The following BSG variants were observed in gnomAD, a reference collection of about 807,000 sequenced individuals.
BSG encodes basigin (Ok blood group), also known as basigin.
BSG carries 37 observed loss-of-function variants against 43.1 expected under a neutral mutation model. The ratio of observed to expected loss-of-function variants is 0.86; its 90% CI spans 0.66 to 1.13. The LOEUF (loss-of-function observed/expected upper bound fraction) is 1.13, where lower values mean the gene tolerates loss of function less well. BSG is among the 50% of genes most tolerant of loss of function. BSG has a pLI of 0.00. For synonymous variants in BSG, 309 were observed against 238.7 expected (o/e 1.29, Z -2.72); for missense variants, 599 against 554.2 (o/e 1.08, Z -0.81).
At chr19:582,700 G>T in intron 8 of BSG, 50 bp from the exon 9 acceptor site, 1 of 1,141,996 alleles carries the variant, frequency 8.8e-7, no homozygotes, top group Non-Finnish European at 1.3e-6. Flanking sequence ...GGTCCCGCCT[G>T]TGGGTCGCTG....
rs534544911 is a variant in BSG, at chr19:579,580, G to A, written c.496G>A (p.Val166Ile). ...CTCCTTGAATGACAGCGCCACAGAG[G>A]TCACAGGGCACCGCTGGCTGAAGGG... ...TCSLNDSATEVTGHRWLKGGV... is the reference protein window; with the variant it reads ...TCSLNDSATEITGHRWLKGGV... The change falls in exon 3 of 9, where the codon GTC becomes ATC. Residue 166 changes from valine to isoleucine, a missense_variant. Transcript: ENST00000333511. 1.9e-6 allele frequency: 3 copies of A among 1,612,644 alleles called. No homozygotes were observed. The African/African-American group carries it at 4.0e-5, about 22-fold the overall frequency.
rs144824657 is a variant in BSG, at chr19:577,782, G to T, written c.76G>T (p.Val26Phe). The T allele has an allele frequency of 7.6e-3, 10,786 of 1,417,762 alleles. 59 individuals carry two copies. The highest frequency in any genetic ancestry group is 9.0e-3 in the Non-Finnish European group (9,744 of 1,082,294). The allele number at this position is 1,417,762 out of a possible 1,614,324, so 87.8% of individuals were successfully genotyped here. ...GCGTGCTCTCCCCACAGCCGGCTTC[G>T]TCCAGGCGCCGCTGTCCCAGCAGAG... is the stretch of plus-strand genomic sequence containing the variant. ...THGASGAAGF[V>F]QAPLSQQRWV... The change falls in exon 2 of 9, where the codon GTC (valine) becomes TTC (phenylalanine). Residue 26 changes from valine to phenylalanine, a missense_variant. Physicochemically the swap from Val to Phe is conservative, Grantham distance 50. Coordinates refer to ENST00000333511, the MANE Select transcript of BSG (RefSeq NM_001728.4).
intron 6 of BSG, among the ~76,000 whole-genome samples, chr19:581,981 C>T (rs1371050620): frequency 1.3e-5 from 2 of 152,272 alleles, no homozygotes; most frequent in Non-Finnish European, 2.9e-5. Flanking sequence ...AGCCCTTCTG[C>T]CCCTTGGGCT....
upstream of BSG, chr19:572,477 T>C (rs893182403): frequency 6.8e-6 from 8 of 1,172,758 alleles, no homozygotes; most frequent in African/African-American, 1.6e-5. Flanking sequence ...TGTGCGCGCG[T>C]GCGCAGGCGG....
rs111289082 is a variant in BSG, at chr19:582,600, T to G, written c.*5+18T>G. The G allele has an allele frequency of 6.9e-5, 38 of 550,776 alleles. No individual in the cohort carries two copies. In the African/African-American group the frequency reaches 7.2e-4, roughly 10 times the overall value. 34.1% of individuals were successfully genotyped at this position (550,776 alleles called of 1,614,324 possible). ...TGAGGCAGGTGCGGTGGGCGGGAGCTCCTCCTGAGCCAGGTGTGGTGGGTG... is the reference window on the plus strand; with the variant it reads ...TGAGGCAGGTGCGGTGGGCGGGAGCGCCTCCTGAGCCAGGTGTGGTGGGTG... On this transcript the variant is annotated intron_variant, in intron 8 of 8. Transcript: ENST00000333511.
intron 1 of BSG, among the ~76,000 whole-genome samples, chr19:577,081 T>C (rs1981843616): frequency 6.6e-6 from 1 of 152,212 alleles, no homozygotes; most frequent in African/African-American, 2.4e-5. Flanking sequence ...TGGGCTGGGC[T>C]GTTCCTGGCA....
At chr19:573,672 A>G (rs1200860786) in intron 1 of BSG, among the ~76,000 whole-genome samples, 8 of 152,078 alleles carry the variant, frequency 5.3e-5, no homozygotes, top group Non-Finnish European at 8.8e-5. Context: ...ACAGGCGAGG[A>G]AACAGCCCTG....
chr19:581,260 G>A (rs1047839998), intron 5 of BSG, 55 bp from the exon 6 acceptor site: 1 of 1,560,556 alleles, frequency 6.4e-7, no homozygotes, highest in African/African-American at 1.4e-5. Context: ...CTCAGGACTG[G>A]GTGAGGGGCC....
chr19:572,496 G>A (rs1961916777), upstream of BSG: 2 of 1,194,932 alleles, frequency 1.7e-6, no homozygotes, highest in Non-Finnish European at 2.1e-6. Flanking sequence ...GGGGCGACCG[G>A]CGTCCCCGGC....
intron 1 of BSG, among the ~76,000 whole-genome samples, chr19:573,794 G>A (rs1185887209): frequency 6.6e-6 from 1 of 152,208 alleles, no homozygotes; most frequent in Non-Finnish European, 1.5e-5. Context: ...TCGGTTTCCA[G>A]TGCTGTCTTA....
At chr19:572,825 C>G (rs1981385910) in intron 1 of BSG, 124 bp downstream of exon 1, 1 of 1,163,182 alleles carries the variant, frequency 8.6e-7, no homozygotes, top group Non-Finnish European at 1.1e-6. Context: ...TGCGAAAGGC[C>G]GGCCCCGGGG....
chr19:579,633 G>T lies in BSG; in HGVS notation c.549G>T (p.Leu183=). 1 of 1,610,930 alleles carries T rather than the reference G, an allele frequency of 6.2e-7. No homozygotes were observed. Among genetic ancestry groups the T allele is most frequent in the Non-Finnish European group, 8.5e-7 (1 of 1,179,038 alleles). The part of the protein sequence containing the change: ...KGGVVLKEDA[L]PGQKTEFKVD... Reference sequence around the variant, plus strand: ...GCGTGGTGCTGAAGGAGGACGCGCTGCCCGGCCAGAAAACGGAGTTCAAGT... The same window carrying T: ...GCGTGGTGCTGAAGGAGGACGCGCTTCCCGGCCAGAAAACGGAGTTCAAGT... The change falls in exon 3 of 9, where the codon CTG becomes CTT. Residue 183 remains leucine (L), a synonymous_variant. Transcript: ENST00000333511.
Position 581,407 on chromosome 19 carries a change from C to A in BSG, c.885C>A (p.Asp295Glu). The change falls in exon 6 of 9, where the codon GAC (aspartate) becomes GAA (glutamate). Residue 295 changes from aspartate (D) to glutamate (E), a missense_variant. Transcript: ENST00000333511. ...TTGAGAACCTGAACATGGAGGCCGA[C>A]CCCGGCCAGTACCGGTGCAACGGCA... ...LHIENLNMEA[D>E]PGQYRCNGTS... 6.2e-7 allele frequency: 1 copy of A among 1,612,800 alleles called. No individual in the cohort carries two copies. Among genetic ancestry groups the A allele is most frequent in the Non-Finnish European group, 8.5e-7 (1 of 1,179,948 alleles).
chr19:582,654 GGTGGGCGGGATCTGCTAGCCAGGT>G (rs1373754395), intron 8 of BSG, 72 bp downstream of exon 8: 130 of 1,418,770 alleles, frequency 9.2e-5, no homozygotes, highest in Non-Finnish European at 1.1e-4. Flanking sequence ...AGCCAGGTGT[GGTGGGCGGGATCTGCTAGCCAGGT>G]GTGGGCTCCT....
At position 581,453 on chromosome 19, in the gene BSG, C is replaced by A. The variant is rs1164112627; in HGVS notation, c.931C>A (p.Gln311Lys). The A allele has an allele frequency of 6.2e-7, 1 of 1,611,958 alleles. No homozygotes were observed. The highest frequency in any genetic ancestry group is 1.1e-5 in the South Asian group (1 of 90,974). ...CNGTSSKGSD[Q>K]AIITLRVRSH... Reference sequence around the variant, plus strand: ...CGGCACCAGCTCCAAGGGCTCCGACCAGGCCATCATCACGCTCCGCGTGCG... The same window carrying A: ...CGGCACCAGCTCCAAGGGCTCCGACAAGGCCATCATCACGCTCCGCGTGCG... The change falls in exon 6 of 9, where the codon CAG (glutamine) becomes AAG (lysine). Residue 311 changes from glutamine to lysine, a missense_variant. Physicochemically the swap from Gln to Lys is moderately conservative, Grantham distance 53. Transcript: ENST00000333511.
At chr19:582,357 G>A (rs369414573) in intron 7 of BSG, 27 bp downstream of exon 7, 1,047 of 1,596,338 alleles carry the variant, frequency 6.6e-4, no homozygotes, top group Non-Finnish European at 8.6e-4. Context: ...GGGGTCGGGG[G>A]TCCCAAGGAG....
Position 582,804 on chromosome 19 carries a change from CAGTGCTTGCA to C in BSG, c.*63_*72del. 1 of 584,566 alleles carries C rather than the reference CAGTGCTTGCA, an allele frequency of 1.7e-6. No individual in the cohort carries two copies. The highest frequency in any genetic ancestry group is 3.0e-6 in the Non-Finnish European group (1 of 329,174). The allele number at this position is 584,566 out of a possible 1,614,324, so 36.2% of individuals were successfully genotyped here. A position where few individuals can be genotyped will look rare whatever the true frequency, so the allele number is the denominator to read the frequency against. ...CTGCGCCGCCGCCGGAGTCCACTCC[CAGTGCTTGCA>C]AGATTCCAAGTTCTCACCTCTTAAA... On this transcript the variant is annotated 3_prime_UTR_variant, in exon 9 of 9. Coordinates refer to ENST00000333511, the MANE Select transcript of BSG (RefSeq NM_001728.4).
chr19:578,552 C>T (rs1469255713), intron 2 of BSG, among the ~76,000 whole-genome samples: 2 of 152,242 alleles, frequency 1.3e-5, no homozygotes, highest in East Asian at 3.8e-4. Flanking sequence ...AATTTCAATT[C>T]CTAGCGGGAA....
At chr19:582,206 A>G in intron 6 of BSG, 100 bp from the exon 7 acceptor site, 3 of 1,521,226 alleles carry the variant, frequency 2.0e-6, no homozygotes, top group Non-Finnish European at 2.7e-6. Context: ...CACTGAGGGC[A>G]GGGCTGGCAG....
Sources: allele counts gnomAD v4.1 joint callset (sites outside exome capture counted in the v4.1 genomes callset), GRCh38; gene constraint gnomAD v4.1.1; transcripts MANE v1.5; gene names NCBI Gene and HGNC (gene_info 2026-07-23, HGNC 2026-07-21).